The following NPHP4 variants were observed in gnomAD, a reference collection of about 807,000 sequenced individuals.
NPHP4 encodes the protein nephrocystin 4, also known as nephrocystin-4.
NPHP4 carries 151 observed loss-of-function variants against 155.8 expected under a neutral mutation model. The ratio of observed to expected loss-of-function variants is 0.97; its 90% confidence interval spans 0.85 to 1.11. NPHP4 has a LOEUF of 1.11. Among genes scored for constraint, NPHP4 ranks in the 50% least tolerant of loss-of-function variants. The pLI is 0.00. For missense variants in NPHP4, 1,956 were observed against 1,925.7 expected (o/e 1.02, Z -0.29); for synonymous variants, 845 against 816.8 (o/e 1.03, Z -0.59).
At position 5,899,724 on chromosome 1, in the gene NPHP4, T is replaced by A. The variant is rs560781568; in HGVS notation, c.2143+4893A>T. 5.3e-5 allele frequency among the ~76,000 whole-genome samples: 8 copies of A among 152,238 alleles called. 1 individual carries two copies. The South Asian group carries it at 1.7e-3, about 32-fold the overall frequency. On this transcript the variant is annotated intron_variant, in intron 16 of 29. Coordinates refer to ENST00000378156, the MANE Select transcript of NPHP4 (RefSeq NM_015102.5). The stretch of plus-strand genomic sequence containing the variant: ...GAGATGGCTTTTCAGATACAACCCA[T>A]GCACAATCCATGAGAGAAATAACTA...
At chr1:5,992,103 C>G (rs904158181) in intron 1 of NPHP4, 141 bp downstream of exon 1, 30 of 152,608 alleles carry the variant, frequency 2.0e-4, no homozygotes, top group African/African-American at 7.2e-4. Flanking sequence ...CACCGGGCCC[C>G]CACGCAGGGA....
intron 11 of NPHP4, among the ~76,000 whole-genome samples, chr1:5,922,671 T>C (rs1413685248): frequency 9.2e-5 from 14 of 152,076 alleles, no homozygotes; most frequent in Non-Finnish European, 2.1e-4. Context: ...ACAAAAAACT[T>C]AGCCAGGCAC....
chr1:5,913,538 A>G (rs986726251), intron 11 of NPHP4, among the ~76,000 whole-genome samples: 4 of 152,222 alleles, frequency 2.6e-5, no homozygotes, highest in African/African-American at 9.6e-5. Flanking sequence ...AAAGCCCTGC[A>G]CTCAACTACA....
At chr1:5,915,662 C>G (rs1331849060) in intron 11 of NPHP4, among the ~76,000 whole-genome samples, 1 of 152,042 alleles carries the variant, frequency 6.6e-6, no homozygotes, top group Non-Finnish European at 1.5e-5. Context: ...GTTCAGCAGG[C>G]CCAAGCCGAG....
In NPHP4 at chr1:5,978,281, C is replaced by G. The variant is rs561876203; in HGVS notation, c.268G>C (p.Val90Leu). The G allele has an allele frequency of 4.9e-5, 78 of 1,606,708 alleles. 2 individuals carry two copies. The South Asian group carries it at 7.9e-4, about 16-fold the overall frequency. Residue 90 changes from valine to leucine, a missense_variant, in exon 3 of 30, where the codon GTC (valine) becomes CTC (leucine). Val to Leu is a conservative substitution (Grantham distance 32). Transcript: ENST00000378156. The part of the protein sequence containing the change: ...KPTKRPPSRI[V>L]FNEPLYFHTS... ...TCACCAGGGCCCACCTCATTAAAGA[C>G]GATCCTGGACGGCGGTCTCTTCGTC... is the stretch of plus-strand genomic sequence containing the variant.
intron 3 of NPHP4, among the ~76,000 whole-genome samples, chr1:5,976,957 C>A (rs1457222036): frequency 3.3e-5 from 5 of 152,160 alleles, no homozygotes; most frequent in Non-Finnish European, 7.4e-5. Context: ...CCACTGTCAC[C>A]GCCACTGTTA....
At position 5,952,779 on chromosome 1, in the gene NPHP4, A is replaced by G; in HGVS notation, c.731T>C (p.Leu244Ser). 1 of 1,588,890 alleles carries G rather than the reference A, an allele frequency of 6.3e-7. No homozygotes were observed. Among genetic ancestry groups the G allele is most frequent in the Admixed American group, 1.8e-5 (1 of 56,558 alleles). ...QKPITGHLDD[L>S]FFTLYPSLEK... ...CAGGGAGGGGTACAGGGTGAAGAAT[A>G]AGTCATCCAAGTGCCCCGTGATGGG... Residue 244 changes from leucine to serine, a missense_variant, in exon 7 of 30, where the codon TTA (leucine) becomes TCA (serine). By Grantham distance (145) the Leu-to-Ser change is moderately radical. Coordinates refer to ENST00000378156, the MANE Select transcript of NPHP4 (RefSeq NM_015102.5).
At chr1:5,934,521 C>T (rs1448204588) in intron 9 of NPHP4, among the ~76,000 whole-genome samples, 1 of 152,138 alleles carries the variant, frequency 6.6e-6, no homozygotes, top group African/African-American at 2.4e-5. Context: ...TCCTACAGTG[C>T]TCCACTTGCT....
At chr1:5,991,761 C>G (rs1212721960) in intron 1 of NPHP4, among the ~76,000 whole-genome samples, 3 of 142,940 alleles carry the variant, frequency 2.1e-5, no homozygotes, top group Non-Finnish European at 4.6e-5. Context: ...CAGCCGGAGC[C>G]GGAGCTGGAG....
intron 11 of NPHP4, among the ~76,000 whole-genome samples, chr1:5,926,231 C>A (rs1645998428): frequency 6.6e-6 from 1 of 152,182 alleles, no homozygotes; most frequent in Non-Finnish European, 1.5e-5. Flanking sequence ...TTAAAACCAT[C>A]AAATGCATCA....
chr1:5,971,296 T>G (rs1652516693), intron 3 of NPHP4, among the ~76,000 whole-genome samples: 1 of 152,234 alleles, frequency 6.6e-6, no homozygotes, highest in Non-Finnish European at 1.5e-5. Context: ...GCTGCTTGTC[T>G]CAGCTGATCC....
chr1:5,906,457 T>A (rs971937821), intron 13 of NPHP4, among the ~76,000 whole-genome samples: 1 of 152,206 alleles, frequency 6.6e-6, no homozygotes, highest in Admixed American at 6.5e-5. Context: ...GCGCCAATAA[T>A]AAAAAGCTAG....
chr1:5,943,792 G>A (rs1435232566), intron 9 of NPHP4, among the ~76,000 whole-genome samples: 2 of 152,218 alleles, frequency 1.3e-5, no homozygotes, highest in Admixed American at 6.5e-5. Context: ...ATGCAGTCAA[G>A]GTTAGGTGTG....
rs1380727540 is a variant in NPHP4, at chr1:5,905,255, G to C, written c.1955+37C>G. 1 of 1,539,862 alleles carries C rather than the reference G, an allele frequency of 6.5e-7. No homozygotes were observed. Among genetic ancestry groups the C allele is most frequent in the Non-Finnish European group, 9.0e-7 (1 of 1,112,336 alleles). On this transcript the variant is annotated intron_variant, in intron 15 of 29. Coordinates refer to ENST00000378156, the MANE Select transcript of NPHP4 (RefSeq NM_015102.5). This position sits in a 1 kb window ranked among gnomAD's most constrained non-coding sequence, Gnocchi z 4.0. The stretch of plus-strand genomic sequence containing the variant: ...AGTTTCTCTTCAACACAGGAAATGT[G>C]AAAGCCAGATGAGTAACAGAATATT...
At chr1:5,919,858 G>C (rs1203022118) in intron 11 of NPHP4, among the ~76,000 whole-genome samples, 1 of 151,994 alleles carries the variant, frequency 6.6e-6, no homozygotes, top group Admixed American at 6.6e-5. Flanking sequence ...TCCTGCCTCA[G>C]CCTCCCAAGT....
At chr1:5,879,021 A>C (rs1179933331) in intron 19 of NPHP4, among the ~76,000 whole-genome samples, 1 of 152,226 alleles carries the variant, frequency 6.6e-6, no homozygotes, top group Non-Finnish European at 1.5e-5. Flanking sequence ...CCAGAACAAC[A>C]GACTCTATCT....
At chr1:5,964,941 A>ATATATATTTTTTTTTT in intron 5 of NPHP4, among the ~76,000 whole-genome samples, 5 of 59,412 alleles carry the variant, frequency 8.4e-5, no homozygotes, top group Admixed American at 2.3e-4. Context: ...ATATATATAT[A>ATATATATTTTTTTTTT]TTTTTTTTTT....
chr1:5,868,689 C>A (rs1641550080), intron 23 of NPHP4, among the ~76,000 whole-genome samples: 1 of 149,474 alleles, frequency 6.7e-6, no homozygotes, highest in South Asian at 2.2e-4. Context: ...TGCATGTACA[C>A]ATATACATGC....
chr1:5,977,426 C>T (rs1389653432), intron 3 of NPHP4, among the ~76,000 whole-genome samples: 1 of 152,056 alleles, frequency 6.6e-6, no homozygotes, highest in Non-Finnish European at 1.5e-5. Context: ...GAGAGGCCTC[C>T]CTCGTCACCC....
Sources: allele counts gnomAD v4.1 joint callset (sites outside exome capture counted in the v4.1 genomes callset), GRCh38; gene constraint gnomAD v4.1.1; non-coding constraint Gnocchi (gnomAD v3.1); transcripts MANE v1.5; gene names NCBI Gene and HGNC (gene_info 2026-07-23, HGNC 2026-07-21).